NID2: variants seen among roughly 807,000 people sequenced by gnomAD.
NID2 encodes the protein nidogen-2.
In NID2, 83 loss-of-function variants were observed where a neutral mutation model predicts 145.4. The observed-to-expected ratio is 0.57, with a 90% confidence interval of 0.48 to 0.69. The LOEUF is 0.69. NID2 is among the 30% of genes least tolerant of loss of function. NID2 has a pLI of 0.00. For synonymous variants in NID2, 739 were observed against 701.3 expected, an observed-to-expected ratio of 1.05 and a Z score of -0.85; for missense variants, 1,807 against 1,765.7, an observed-to-expected ratio of 1.02 and a Z score of -0.42.
chr14:52,006,979 G>A (rs1890810427), intron 19 of NID2: 1 of 192,190 alleles, frequency 5.2e-6, no homozygotes, highest in East Asian at 1.3e-4. Context: ...TATAACATCT[G>A]GGTAAATACT....
intron 2 of NID2, among the ~76,000 whole-genome samples, chr14:52,067,137 G>T (rs536087981): frequency 1.3e-5 from 2 of 152,150 alleles, no homozygotes; most frequent in South Asian, 4.1e-4. Flanking sequence ...TTTTTAAAAA[G>T]TGATTCACGC....
chr14:52,008,066 T>C (rs1890861464), intron 18 of NID2, 99 bp from the exon 19 acceptor site: 9 of 950,654 alleles, frequency 9.5e-6, no homozygotes, highest in Non-Finnish European at 1.4e-5. Flanking sequence ...TCATGTATTA[T>C]AGCCTTAAGC....
rs527936702 is a variant in NID2, at chr14:52,028,006, T to A, written c.2531-662A>T. Among the ~76,000 whole-genome samples, 7 of 152,332 alleles carry A rather than the reference T, an allele frequency of 4.6e-5. No homozygotes were observed. The East Asian group carries it at 1.2e-3, about 25-fold the overall frequency. On this transcript the variant is annotated intron_variant, in intron 11 of 21. Coordinates refer to ENST00000216286, the MANE Select transcript of NID2 (RefSeq NM_007361.4). Reference sequence around the variant, plus strand: ...TGGAAATACAGAAGAGGTAATTTGTTACAGAAGGAGCTCTTTAGCCAGTCA... The same window carrying A: ...TGGAAATACAGAAGAGGTAATTTGTAACAGAAGGAGCTCTTTAGCCAGTCA...
chr14:52,009,565 A>C (rs1890928206), intron 18 of NID2: 1 of 152,182 alleles, frequency 6.6e-6, no homozygotes, highest in South Asian at 2.1e-4. Context: ...AGAAAGTTCT[A>C]CTTTCATATT....
In NID2 at chr14:52,042,913, G is replaced by T. The variant is rs115833794; in HGVS notation, c.1448C>A (p.Ala483Asp). ...SNTEVFTYNA[A>D]NKETCEHNHR... ...GTTGTGTTCACAGGTTTCCTTGTTG[G>T]CAGCATTATACGTGAAGACTGAAAA... Residue 483 changes from alanine to aspartate, a missense_variant, in exon 6 of 22, where the codon GCC becomes GAC. Transcript: ENST00000216286. 6.2e-7 allele frequency: 1 copy of T among 1,614,174 alleles called. No individual in the cohort carries two copies. Among genetic ancestry groups the T allele is most frequent in the East Asian group, 2.2e-5 (1 of 44,888 alleles).
chr14:52,024,078 G>A (rs1180738987), intron 12 of NID2, among the ~76,000 whole-genome samples: 1 of 152,184 alleles, frequency 6.6e-6, no homozygotes, highest in Non-Finnish European at 1.5e-5. Flanking sequence ...AGCCTAGCCT[G>A]ATTTATGCAT....
At chr14:52,040,355 G>A (rs1892233875) in intron 8 of NID2, among the ~76,000 whole-genome samples, 1 of 151,894 alleles carries the variant, frequency 6.6e-6, no homozygotes, top group South Asian at 2.1e-4. Flanking sequence ...AAAGTAGGAT[G>A]GTTAAAAACT....
rs1439975900 is a variant in NID2, at chr14:52,053,630, G to A, written c.1378C>T (p.Arg460Ter). The change falls in exon 5 of 22, where the codon CGA (arginine) becomes TGA (stop). Residue 460 changes from arginine (R) to a stop codon, truncating the protein, a stop_gained. Transcript: ENST00000216286. LOFTEE classifies it high-confidence loss of function. ...TCCAGTCCCACCTCATACGTCCCTC[G>A]ACTTAAGGGTGTAGTGTGACCTGAA... is the stretch of plus-strand genomic sequence containing the variant. ...PASGHTTPLS[R>*]GTYEVGLEDN... 3 of 1,614,086 alleles carry A rather than the reference G, an allele frequency of 1.9e-6. No individual in the cohort carries two copies. Among genetic ancestry groups the A allele is most frequent in the Admixed American group, 1.7e-5 (1 of 60,010 alleles).
At chr14:52,066,307 C>T (rs1893213326) in intron 2 of NID2, among the ~76,000 whole-genome samples, 1 of 146,722 alleles carries the variant, frequency 6.8e-6, no homozygotes, top group Admixed American at 6.8e-5. Flanking sequence ...AAGGTGGACA[C>T]AGTTAACGGG....
chr14:52,043,005 T>G, intron 5 of NID2, 74 bp from the exon 6 acceptor site: 1 of 1,433,966 alleles, frequency 7.0e-7, no homozygotes, highest in Non-Finnish European at 9.8e-7. Flanking sequence ...GGACACAACA[T>G]CTGCTCCATA....
At chr14:52,012,813 A>G (rs113520226) in intron 16 of NID2, among the ~76,000 whole-genome samples, 148 of 152,354 alleles carry the variant, frequency 9.7e-4, no homozygotes, top group South Asian at 3.5e-3. Flanking sequence ...TCCTGCTCTG[A>G]GAAGCCCAGC....
intron 5 of NID2, among the ~76,000 whole-genome samples, chr14:52,046,322 CAAAAAA>C (rs1555365268): frequency 3.1e-5 from 1 of 31,988 alleles, no homozygotes; most frequent in Non-Finnish European, 4.9e-5. Flanking sequence ...GACTCCATCT[CAAAAAA>C]AAAAAAAAAA....
intron 12 of NID2, 142 bp downstream of exon 12, chr14:52,027,059 G>C: frequency 2.5e-6 from 2 of 801,578 alleles, no homozygotes; most frequent in South Asian, 3.6e-5. Flanking sequence ...CTCAAAGGAC[G>C]CTTTTTTCTC....
At chr14:52,011,155 C>G (rs977417082) in intron 17 of NID2, 108 bp from the exon 18 acceptor site, 1 of 1,013,778 alleles carries the variant, frequency 9.9e-7, no homozygotes. Context: ...GAAAGCAAAG[C>G]CCAAGTGTCT....
chr14:52,052,386 T>A (rs752975192), intron 5 of NID2, among the ~76,000 whole-genome samples: 3 of 152,166 alleles, frequency 2.0e-5, no homozygotes, highest in Non-Finnish European at 2.9e-5. Context: ...AACCAGTGAG[T>A]GCAGACACGA....
At chr14:52,024,080 TTTATG>T (rs1371566736) in intron 12 of NID2, among the ~76,000 whole-genome samples, 1 of 152,214 alleles carries the variant, frequency 6.6e-6, no homozygotes, top group Non-Finnish European at 1.5e-5. Flanking sequence ...CCTAGCCTGA[TTTATG>T]CATGGGTCTT....
At position 52,015,108 on chromosome 14, in the gene NID2, T is replaced by C. The variant is rs775781840; in HGVS notation, c.3196A>G (p.Lys1066Glu). 6.2e-7 allele frequency: 1 copy of C among 1,614,120 alleles called. No individual in the cohort carries two copies. The highest frequency in any genetic ancestry group is 1.1e-5 in the South Asian group (1 of 91,084). The change falls in exon 15 of 22, where the codon AAA becomes GAA. Residue 1066 changes from lysine to glutamate, a missense_variant. Coordinates refer to ENST00000216286, the MANE Select transcript of NID2 (RefSeq NM_007361.4). Reference sequence around the variant, plus strand: ...GTGCCCTGCACCTCTCTGCCATCTTTGTCCACACACCAGCAGAAGTCGCTC... The same window carrying C: ...GTGCCCTGCACCTCTCTGCCATCTTCGTCCACACACCAGCAGAAGTCGCTC... The part of the protein sequence containing the change: ...GKSDFCWCVD[K>E]DGREVQGTRS...
chr14:52,068,178 G>A lies in NID2; in HGVS notation c.229-15C>T, dbSNP rs761636327. The A allele has an allele frequency of 8.1e-6, 13 of 1,610,738 alleles. No individual in the cohort carries two copies. Among genetic ancestry groups the A allele is most frequent in the Non-Finnish European group, 1.1e-5 (13 of 1,178,594 alleles). ...TTGGTGCCCACCTGGGAGAGGAGAG[G>A]GACAAAAAGGTGACAGTCGCTCAAG... is the stretch of plus-strand genomic sequence containing the variant. On this transcript the variant is annotated splice_polypyrimidine_tract_variant and intron_variant, in intron 1 of 21. Coordinates refer to ENST00000216286, the MANE Select transcript of NID2 (RefSeq NM_007361.4).
At chr14:52,016,716 A>G (rs913990803) in intron 14 of NID2, among the ~76,000 whole-genome samples, 6 of 152,160 alleles carry the variant, frequency 3.9e-5, no homozygotes, top group Non-Finnish European at 7.3e-5. Context: ...ACCAGTGTAA[A>G]TTCAATTAGC....
Sources: allele counts gnomAD v4.1 joint callset (sites outside exome capture counted in the v4.1 genomes callset), GRCh38; gene constraint gnomAD v4.1.1; transcripts MANE v1.5; gene names NCBI Gene and HGNC (gene_info 2026-07-23, HGNC 2026-07-21).